The following PDE4B variants were observed in gnomAD, a reference collection of about 807,000 sequenced individuals.
PDE4B encodes the protein 3',5'-cyclic-AMP phosphodiesterase 4B.
A neutral mutation model predicts 82.2 loss-of-function variants in PDE4B; 20 were observed. That is an observed-to-expected ratio of 0.24 (90% confidence interval 0.17 to 0.35). PDE4B has a LOEUF of 0.35. Among genes scored for constraint, PDE4B ranks in the 10% least tolerant of loss-of-function variants. PDE4B has a pLI of 1.00. For synonymous variants in PDE4B, 320 were observed against 318.9 expected (o/e 1.00, Z -0.04); for missense variants, 655 against 907.2 (o/e 0.72, Z 3.57).
chr1:65,961,700 G>A (rs1239790028), intron 3 of PDE4B, among the ~76,000 whole-genome samples: 1 of 152,146 alleles, frequency 6.6e-6, no homozygotes, highest in African/African-American at 2.4e-5. Context: ...AGACAGATGA[G>A]TGAAAAATGC....
intron 3 of PDE4B, among the ~76,000 whole-genome samples, chr1:66,068,073 C>CCTAAAA (rs1294165222): frequency 1.6e-4 from 23 of 146,174 alleles, no homozygotes. Context: ...TGCACATGTA[C>CCTAAAA]CCTAAAACTT....
At chr1:65,940,208 A>G (rs191867904) in intron 3 of PDE4B, among the ~76,000 whole-genome samples, 37 of 152,050 alleles carry the variant, frequency 2.4e-4, no homozygotes, top group Middle Eastern at 6.8e-3. Context: ...TAGGAACTTT[A>G]TAGGCAGAGG....
intron 3 of PDE4B, among the ~76,000 whole-genome samples, chr1:65,921,454 C>T (rs56064263): frequency 0.063 from 9,613 of 152,106 alleles, 417 homozygotes; most frequent in Middle Eastern, 0.13. Flanking sequence ...AGGAGTACTG[C>T]CTAGGACTAC....
In PDE4B at chr1:65,948,925, G is replaced by A. The variant is rs181264305; in HGVS notation, c.281+30090G>A. On this transcript the variant is annotated intron_variant, in intron 3 of 16. Transcript: ENST00000341517. ...GCTGACCTCAAACTTCTACTCTGCCGTCACGTATCTCTTTTGAATATTCAT... is the reference window on the plus strand; with the variant it reads ...GCTGACCTCAAACTTCTACTCTGCCATCACGTATCTCTTTTGAATATTCAT... Among the ~76,000 whole-genome samples, 481 of 152,146 alleles carry A rather than the reference G, an allele frequency of 3.2e-3. 1 individual carries two copies. Among genetic ancestry groups the A allele is most frequent in the Non-Finnish European group, 5.8e-3 (396 of 67,968 alleles).
intron 3 of PDE4B, among the ~76,000 whole-genome samples, chr1:66,046,984 A>G (rs544186315): frequency 6.6e-6 from 1 of 152,040 alleles, no homozygotes; most frequent in Admixed American, 6.6e-5. Context: ...CAGAAACAAG[A>G]TAGCAAAACT....
intron 3 of PDE4B, among the ~76,000 whole-genome samples, chr1:66,103,109 A>G (rs1008434614): frequency 1.3e-5 from 2 of 152,070 alleles, no homozygotes; most frequent in Non-Finnish European, 2.9e-5. Context: ...ATGCTTTGTA[A>G]ATGTGTTTTT....
chr1:66,039,584 C>T (rs1019989943), intron 3 of PDE4B, among the ~76,000 whole-genome samples: 8 of 152,008 alleles, frequency 5.3e-5, no homozygotes, highest in African/African-American at 1.9e-4. Flanking sequence ...TATAATCTTT[C>T]TATCTATCCA....
chr1:66,228,237 G>A (rs940186153), intron 3 of PDE4B, among the ~76,000 whole-genome samples: 3 of 152,046 alleles, frequency 2.0e-5, no homozygotes, highest in African/African-American at 4.8e-5. Flanking sequence ...CGGCTCATTC[G>A]GAGAGACACT....
In PDE4B at chr1:66,237,646, A is replaced by G. The variant is rs975192578; in HGVS notation, c.282-9814A>G. Among the ~76,000 whole-genome samples, 8 of 152,306 alleles carry G rather than the reference A, an allele frequency of 5.3e-5. No homozygotes were observed. In the Middle Eastern group the frequency reaches 0.01, roughly 194 times the overall value. On this transcript the variant is annotated intron_variant, in intron 3 of 16. Coordinates refer to ENST00000341517, the MANE Select transcript of PDE4B (RefSeq NM_002600.4). ...CAAACCTGGGACAAGTTTTTACATC[A>G]ACTTATGTTTTAAATCTCAGTTTCC...
chr1:66,015,330 G>A (rs1485803260), intron 3 of PDE4B, among the ~76,000 whole-genome samples: 1 of 152,122 alleles, frequency 6.6e-6, no homozygotes, highest in Non-Finnish European at 1.5e-5. Context: ...ACAGGAGAAA[G>A]ATGCCCAATT....
rs17427278 is a variant in PDE4B at position 66,311,705 on chromosome 1, C to T, written c.635-20803C>T. ...CCTGCTCAAGTTCATCTTTGGAATG[C>T]TGTGTCCTTTGTCAAATGTCACCAG... On this transcript the variant is annotated intron_variant, in intron 7 of 16. Coordinates refer to ENST00000341517, the MANE Select transcript of PDE4B (RefSeq NM_002600.4). Among the ~76,000 whole-genome samples the T allele has an allele frequency of 7.7e-3, 1,168 of 152,370 alleles. 12 individuals carry two copies. The highest frequency in any genetic ancestry group is 0.029 in the Admixed American group (441 of 15,304).
chr1:65,875,748 C>T (rs2100320272), intron 1 of PDE4B, among the ~76,000 whole-genome samples: 1 of 135,210 alleles, frequency 7.4e-6, no homozygotes, highest in Non-Finnish European at 1.5e-5. Context: ...GGGAACTGAA[C>T]AATGAGATCA....
chr1:65,996,172 C>T (rs1557484906), intron 3 of PDE4B, among the ~76,000 whole-genome samples: 1 of 152,152 alleles, frequency 6.6e-6, no homozygotes, highest in East Asian at 1.9e-4. Flanking sequence ...TCCTTTTACC[C>T]TTGGGCAGGA....
intron 1 of PDE4B, among the ~76,000 whole-genome samples, chr1:65,911,453 A>G (rs1354986205): frequency 6.6e-6 from 1 of 152,100 alleles, no homozygotes; most frequent in Non-Finnish European, 1.5e-5. Context: ...TTGAGTATGT[A>G]TAGTTTTATA....
intron 3 of PDE4B, among the ~76,000 whole-genome samples, chr1:66,102,605 G>A (rs921492069): frequency 9.2e-5 from 14 of 151,898 alleles, no homozygotes; most frequent in South Asian, 2.1e-4. Context: ...GCTAAAATGC[G>A]TACAAAATAT....
chr1:66,043,008 C>A (rs116077937), intron 3 of PDE4B, among the ~76,000 whole-genome samples: 1,680 of 151,640 alleles, frequency 0.011, 34 homozygotes, highest in African/African-American at 0.039. Context: ...TTTCATAAAC[C>A]TAGGATTATA....
In PDE4B at chr1:65,834,265, AACTCCTG is replaced by A. The variant is rs370832032; in HGVS notation, c.-71+41020_-71+41026del. On this transcript the variant is annotated intron_variant, in intron 1 of 16. Transcript: ENST00000341517. ...TGCCATGTTGGCCAGGCTGATCTTGAACTCCTGACCTCATGTGGTCCACCTGCCTTGG... is the reference window on the plus strand; with the variant it reads ...TGCCATGTTGGCCAGGCTGATCTTGAACCTCATGTGGTCCACCTGCCTTGG... Among the ~76,000 whole-genome samples the A allele has an allele frequency of 3.4e-3, 522 of 152,186 alleles. 3 individuals carry two copies. Among genetic ancestry groups the A allele is most frequent in the African/African-American group, 0.012 (505 of 41,514 alleles).
intron 7 of PDE4B, among the ~76,000 whole-genome samples, chr1:66,272,760 C>A (rs1655593504): frequency 1.4e-5 from 2 of 147,980 alleles, no homozygotes; most frequent in African/African-American, 2.5e-5. Context: ...AAACCAGCTT[C>A]CATTCTGGTA....
chr1:66,048,323 A>G (rs953695872), intron 3 of PDE4B, among the ~76,000 whole-genome samples: 2 of 151,722 alleles, frequency 1.3e-5, no homozygotes, highest in Non-Finnish European at 2.9e-5. Flanking sequence ...GGAGCAATCA[A>G]CTCCACTGTC....
Sources: allele counts gnomAD v4.1 joint callset (sites outside exome capture counted in the v4.1 genomes callset), GRCh38; gene constraint gnomAD v4.1.1; transcripts MANE v1.5; gene names NCBI Gene and HGNC (gene_info 2026-07-23, HGNC 2026-07-21).